The following FAM171A1 variants were observed in gnomAD, a reference collection of about 807,000 sequenced individuals.
FAM171A1 encodes the protein protein FAM171A1.
Under a neutral mutation model 74.9 loss-of-function variants are expected in FAM171A1, and 23 were observed. That is an observed-to-expected ratio of 0.31 (90% confidence interval 0.22 to 0.44). The LOEUF (loss-of-function observed/expected upper bound fraction) is 0.44, where lower values mean the gene tolerates loss of function less well. Among genes scored for constraint, FAM171A1 ranks in the 20% least tolerant of loss-of-function variants. The pLI, the probability that FAM171A1 is intolerant of heterozygous loss-of-function variation, is 1.00. For synonymous variants in FAM171A1, 527 were observed against 505.7 expected (o/e 1.04, Z -0.57); for missense variants, 1,162 against 1,159.2 (o/e 1.00, Z -0.03).
intron 2 of FAM171A1, among the ~76,000 whole-genome samples, chr10:15,283,098 G>T (rs1440391367): frequency 6.6e-6 from 1 of 152,174 alleles, no homozygotes; most frequent in Non-Finnish European, 1.5e-5. Context: ...TTTCCCCAAA[G>T]CTCTGTCCAT....
At chr10:15,297,042 G>A (rs1362981432) in intron 1 of FAM171A1, among the ~76,000 whole-genome samples, 1 of 152,008 alleles carries the variant, frequency 6.6e-6, no homozygotes, top group Non-Finnish European at 1.5e-5. Flanking sequence ...CCTCTGAAGG[G>A]CGTGTATTAG....
At chr10:15,217,765 G>A (rs1265739738) in intron 6 of FAM171A1, among the ~76,000 whole-genome samples, 2 of 151,814 alleles carry the variant, frequency 1.3e-5, no homozygotes, top group Non-Finnish European at 2.9e-5. Context: ...AGCCTCCTGA[G>A]TAGCTGGGAT....
chr10:15,281,600 G>A (rs796948645), intron 2 of FAM171A1, among the ~76,000 whole-genome samples: 15 of 152,268 alleles, frequency 9.9e-5, no homozygotes, highest in African/African-American at 3.6e-4. Context: ...AGTGGCTCAC[G>A]CCTGTAATCC....
chr10:15,286,891 T>C (rs1307190711), intron 1 of FAM171A1, among the ~76,000 whole-genome samples: 2 of 152,144 alleles, frequency 1.3e-5, no homozygotes, highest in Admixed American at 6.5e-5. Flanking sequence ...CAAATAAATC[T>C]CTTAAAATGT....
Position 15,283,970 on chromosome 10 carries a change from A to T in FAM171A1, c.233T>A (p.Phe78Tyr), listed in dbSNP as rs1408482232. 5 of 1,614,062 alleles carry T rather than the reference A, an allele frequency of 3.1e-6. No homozygotes were observed. The highest frequency in any genetic ancestry group is 3.4e-6 in the Non-Finnish European group (4 of 1,180,034). ...CAACTGACTGCCCAGCTTATACTGGAACTTGATAAAGGCGACGCCATCAGT... is the reference window on the plus strand; with the variant it reads ...CAACTGACTGCCCAGCTTATACTGGTACTTGATAAAGGCGACGCCATCAGT... ...SGTDGVAFIK[F>Y]QYKLGSQLIV... The change falls in exon 2 of 8, where the codon TTC becomes TAC. Residue 78 changes from phenylalanine (F) to tyrosine (Y), a missense_variant. Coordinates refer to ENST00000378116, the MANE Select transcript of FAM171A1 (RefSeq NM_001010924.2).
At chr10:15,227,530 G>A (rs900514798) in intron 5 of FAM171A1, among the ~76,000 whole-genome samples, 3 of 152,058 alleles carry the variant, frequency 2.0e-5, no homozygotes, top group East Asian at 1.9e-4. Flanking sequence ...CTACAGGCAC[G>A]TGCTACCATG....
At chr10:15,229,526 CCT>C (rs1491541487) in intron 5 of FAM171A1, among the ~76,000 whole-genome samples, 6 of 131,538 alleles carry the variant, frequency 4.6e-5, no homozygotes, top group African/African-American at 5.7e-5. Context: ...TTGTCACCCC[CCT>C]CACCATCATC....
intron 1 of FAM171A1, among the ~76,000 whole-genome samples, chr10:15,320,740 C>T (rs1032233553): frequency 2.4e-4 from 36 of 152,140 alleles, no homozygotes; most frequent in African/African-American, 8.2e-4. Flanking sequence ...TGTTTGTTGG[C>T]CATGTGTATG....
At chr10:15,291,345 T>G (rs912477723) in intron 1 of FAM171A1, among the ~76,000 whole-genome samples, 3 of 152,196 alleles carry the variant, frequency 2.0e-5, no homozygotes, top group African/African-American at 7.2e-5. Flanking sequence ...ATAGGGGCCA[T>G]CAGCCACATG....
intron 3 of FAM171A1, among the ~76,000 whole-genome samples, chr10:15,257,687 G>A (rs753595453): frequency 6.6e-6 from 1 of 152,082 alleles, no homozygotes; most frequent in Admixed American, 6.5e-5. Context: ...GGACTGGCAC[G>A]ACACGGGTAC....
chr10:15,320,652 T>C (rs1014669400), intron 1 of FAM171A1, among the ~76,000 whole-genome samples: 1 of 152,226 alleles, frequency 6.6e-6, no homozygotes, highest in African/African-American at 2.4e-5. Flanking sequence ...TTTTTAATAA[T>C]AGCCATTCTG....
At chr10:15,236,022 C>G (rs1022890112) in intron 5 of FAM171A1, among the ~76,000 whole-genome samples, 2 of 152,182 alleles carry the variant, frequency 1.3e-5, no homozygotes, top group African/African-American at 4.8e-5. Context: ...ACTAGACGAA[C>G]ACTCGCTTTG....
At chr10:15,252,030 T>C (rs867739050) in intron 4 of FAM171A1, among the ~76,000 whole-genome samples, 7 of 152,210 alleles carry the variant, frequency 4.6e-5, no homozygotes, top group Non-Finnish European at 8.8e-5. Flanking sequence ...GGGCTCTGTA[T>C]TCTACCAACT....
At position 15,258,837 on chromosome 10, in the gene FAM171A1, C is replaced by A. The variant is rs1834620262; in HGVS notation, c.419-3958G>T. Among the ~76,000 whole-genome samples the A allele has an allele frequency of 3.9e-5, 6 of 152,154 alleles. No homozygotes were observed. In the South Asian group the frequency reaches 1.2e-3, roughly 32 times the overall value. On this transcript the variant is annotated intron_variant, in intron 3 of 7. Transcript: ENST00000378116. ...GCAAGTCCTTCCTTTCTTGTCCTAC[C>A]TCTGGATGAAACAGCTCCCAGAGGG...
At chr10:15,253,794 A>C (rs558751872) in intron 4 of FAM171A1, among the ~76,000 whole-genome samples, 1 of 152,306 alleles carries the variant, frequency 6.6e-6, no homozygotes, top group Non-Finnish European at 1.5e-5. Context: ...AGTGGGGTAG[A>C]CAAGAAAATA....
intron 1 of FAM171A1, among the ~76,000 whole-genome samples, chr10:15,297,606 T>C (rs960781965): frequency 8.5e-5 from 13 of 152,122 alleles, no homozygotes; most frequent in Non-Finnish European, 1.8e-4. Flanking sequence ...AAATATACAA[T>C]AACAAATATT....
At chr10:15,261,951 A>G (rs897521943) in intron 3 of FAM171A1, among the ~76,000 whole-genome samples, 1 of 152,072 alleles carries the variant, frequency 6.6e-6, no homozygotes, top group Admixed American at 6.5e-5. Flanking sequence ...CCATCTCTAC[A>G]AAAAATCTGA....
At chr10:15,371,469 G>A (rs527580410), upstream of FAM171A1, among the ~76,000 whole-genome samples, 3 of 149,898 alleles carry the variant, frequency 2.0e-5, no homozygotes, top group Non-Finnish European at 4.5e-5. Flanking sequence ...CCCCGCAGAA[G>A]AGCCAGACCT....
Position 15,254,704 on chromosome 10 carries a change from G to A in FAM171A1, c.577+17C>T. ...AACACAGTAACTCCCACTGAAAAGA[G>A]AAAAGACTCCAATTACCTGTTCCAT... is the stretch of plus-strand genomic sequence containing the variant. On this transcript the variant is annotated intron_variant, in intron 4 of 7. Coordinates refer to ENST00000378116, the MANE Select transcript of FAM171A1 (RefSeq NM_001010924.2). 1.9e-6 allele frequency: 3 copies of A among 1,608,086 alleles called. No homozygotes were observed. The highest frequency in any genetic ancestry group is 2.5e-6 in the Non-Finnish European group (3 of 1,177,056).
Sources: gnomAD v4.1 joint callset for allele counts (sites outside exome capture counted in the v4.1 genomes callset) on GRCh38, gnomAD v4.1.1 for gene constraint, MANE v1.5 for transcripts, NCBI Gene and HGNC (gene_info 2026-07-23, HGNC 2026-07-21) for gene names.